SYT16: variants seen among roughly 807,000 people sequenced by gnomAD.
SYT16 encodes synaptotagmin-16.
Under a neutral mutation model 61.4 loss-of-function variants are expected in SYT16, and 42 were observed. That is an observed-to-expected ratio of 0.68 (90% CI 0.53 to 0.89). The LOEUF is 0.89. Among genes scored for constraint, SYT16 ranks in the 40% least tolerant of loss-of-function variants. The pLI is 0.00. For synonymous variants in SYT16, 314 were observed against 302.3 expected, an observed-to-expected ratio of 1.04 and a Z score of -0.40; for missense variants, 804 against 807.3, an observed-to-expected ratio of 1.00 and a Z score of 0.05.
At chr14:61,840,509 A>C (rs2046271966) in intron 1 of SYT16, among the ~76,000 whole-genome samples, 1 of 152,248 alleles carries the variant, frequency 6.6e-6, no homozygotes, top group Admixed American at 6.5e-5. Flanking sequence ...AGTTGGGAGC[A>C]AAACCCAGGA....
At chr14:61,840,583 A>G (rs1330231164) in intron 1 of SYT16, among the ~76,000 whole-genome samples, 2 of 151,562 alleles carry the variant, frequency 1.3e-5, no homozygotes, top group Non-Finnish European at 2.9e-5. Flanking sequence ...TTTCTTTCCT[A>G]TTTCCTTTTT....
At chr14:61,862,023 TAAA>T (rs557649130) in intron 1 of SYT16, among the ~76,000 whole-genome samples, 5 of 151,886 alleles carry the variant, frequency 3.3e-5, no homozygotes, top group Admixed American at 6.6e-5. Context: ...TTTCAATTTG[TAAA>T]AAAAACACAC....
At chr14:61,963,868 C>G (rs1374914499) in intron 1 of SYT16, among the ~76,000 whole-genome samples, 5 of 152,112 alleles carry the variant, frequency 3.3e-5, no homozygotes, top group Admixed American at 3.3e-4. Context: ...TCAAAAAATT[C>G]CAGGACCCTT....
chr14:62,056,006 T>C (rs1003359569), intron 3 of SYT16, among the ~76,000 whole-genome samples: 2 of 150,482 alleles, frequency 1.3e-5, no homozygotes, highest in Non-Finnish European at 2.9e-5. Context: ...GGGAGAAAGA[T>C]GGAGGCCAGA....
At chr14:61,861,409 G>A (rs902934843) in intron 1 of SYT16, among the ~76,000 whole-genome samples, 11 of 151,928 alleles carry the variant, frequency 7.2e-5, no homozygotes, top group East Asian at 1.9e-4. Flanking sequence ...ACTTTCTTTC[G>A]GATAATCTCC....
chr14:61,876,805 G>A (rs2047513755), intron 1 of SYT16, among the ~76,000 whole-genome samples: 1 of 152,210 alleles, frequency 6.6e-6, no homozygotes, highest in Non-Finnish European at 1.5e-5. Flanking sequence ...GGAAGCAGGG[G>A]CTGAGCCGTA....
intron 6 of SYT16, among the ~76,000 whole-genome samples, chr14:62,082,405 T>C (rs1487779436): frequency 6.6e-6 from 1 of 152,180 alleles, no homozygotes; most frequent in Non-Finnish European, 1.5e-5. Context: ...AGTTGCATTC[T>C]TCCAATTGCT....
chr14:62,059,610 T>C (rs529207256), intron 3 of SYT16, among the ~76,000 whole-genome samples: 1 of 150,762 alleles, frequency 6.6e-6, no homozygotes, highest in South Asian at 2.1e-4. Context: ...TCCTTGGGTA[T>C]TCTATAGTTT....
At chr14:62,074,913 A>G (rs914462137) in intron 4 of SYT16, among the ~76,000 whole-genome samples, 9 of 152,228 alleles carry the variant, frequency 5.9e-5, no homozygotes, top group African/African-American at 1.2e-4. Flanking sequence ...ATATTTAAAA[A>G]GTATTAAGCC....
chr14:62,099,210 G>A (rs900281813), intron 7 of SYT16, among the ~76,000 whole-genome samples: 1 of 152,192 alleles, frequency 6.6e-6, no homozygotes, highest in African/African-American at 2.4e-5. Context: ...GTATTTCACA[G>A]AGATTGCTCT....
At chr14:61,860,737 G>C (rs1047021728) in intron 1 of SYT16, among the ~76,000 whole-genome samples, 4 of 152,168 alleles carry the variant, frequency 2.6e-5, no homozygotes, top group African/African-American at 9.7e-5. Flanking sequence ...CTACATTGAG[G>C]ATCCACCTGA....
intron 1 of SYT16, among the ~76,000 whole-genome samples, chr14:61,920,159 C>T (rs979470248): frequency 5.3e-5 from 8 of 152,136 alleles, no homozygotes; most frequent in Non-Finnish European, 2.9e-5. Context: ...GTTTTTCCTC[C>T]TACCTTGTTG....
intron 1 of SYT16, among the ~76,000 whole-genome samples, chr14:61,950,670 TG>T (rs1346407139): frequency 1.3e-5 from 2 of 152,192 alleles, no homozygotes; most frequent in African/African-American, 4.8e-5. Context: ...CAGTCCTATG[TG>T]AATGCTAGAC....
chr14:61,884,128 C>T (rs1053173615), intron 1 of SYT16, among the ~76,000 whole-genome samples: 3 of 152,198 alleles, frequency 2.0e-5, no homozygotes, highest in Non-Finnish European at 4.4e-5. Flanking sequence ...TACAACTACA[C>T]ACCCATCAGT....
rs111357350 is a variant in SYT16 at position 62,110,527 on chromosome 14, CAAAGT to C, written c.*9823_*9827del. 2 of 152,172 alleles carry C rather than the reference CAAAGT, an allele frequency of 1.3e-5. No homozygotes were observed. The highest frequency in any genetic ancestry group is 4.8e-5 in the African/African-American group (2 of 41,544). 9.4% of individuals were successfully genotyped at this position (152,172 alleles called of 1,614,324 possible). ...GTATCAACTCTTTATGTCAATATAT[CAAAGT>C]AATTGACACTTTTAGAGCTCTGCCA... On this transcript the variant is annotated 3_prime_UTR_variant, in exon 8 of 8. Coordinates refer to ENST00000683842, the MANE Select transcript of SYT16 (RefSeq NM_001367656.1).
At chr14:62,053,783 C>G (rs1324029836) in intron 3 of SYT16, among the ~76,000 whole-genome samples, 1 of 152,070 alleles carries the variant, frequency 6.6e-6, no homozygotes, top group African/African-American at 2.4e-5. Flanking sequence ...CTCTGTATGA[C>G]AATTATGAAA....
At chr14:62,073,669 G>T (rs1294504512) in intron 4 of SYT16, among the ~76,000 whole-genome samples, 1 of 152,146 alleles carries the variant, frequency 6.6e-6, no homozygotes, top group Admixed American at 6.5e-5. Context: ...TCTGCCCCGA[G>T]GATCTGCCTG....
At chr14:62,048,057 G>A (rs1595261203) in intron 3 of SYT16, among the ~76,000 whole-genome samples, 1 of 152,332 alleles carries the variant, frequency 6.6e-6, no homozygotes, top group African/African-American at 2.4e-5. Flanking sequence ...AATGGTACCA[G>A]TTCCTCCTTG....
At chr14:62,100,366 C>T (rs776222110) in intron 7 of SYT16, 28 bp from the exon 8 acceptor site, 36 of 1,532,820 alleles carry the variant, frequency 2.3e-5, no homozygotes, top group Non-Finnish European at 3.0e-5. Flanking sequence ...CTTATCATCC[C>T]CACCCCACCC....
Sources: gnomAD v4.1 joint callset for allele counts (sites outside exome capture counted in the v4.1 genomes callset) on GRCh38, gnomAD v4.1.1 for gene constraint, MANE v1.5 for transcripts, NCBI Gene and HGNC (gene_info 2026-07-23, HGNC 2026-07-21) for gene names.